SCLY: variants seen among roughly 807,000 people sequenced by gnomAD.
The protein encoded by SCLY is selenocysteine lyase.
In SCLY, 38 loss-of-function variants were observed where a neutral mutation model predicts 50.1. The observed-to-expected ratio is 0.76, with a 90% CI of 0.59 to 0.99. The LOEUF is 0.99. Among genes scored for constraint, SCLY ranks in the 50% least tolerant of loss-of-function variants. The pLI, the probability that SCLY is intolerant of heterozygous loss-of-function variation, is 0.00. For missense variants in SCLY, 600 were observed against 620.0 expected (o/e 0.97, Z 0.34); for synonymous variants, 243 against 249.4 (o/e 0.97, Z 0.24).
At chr2:238,074,793 G>A (rs1313915452) in intron 4 of SCLY, among the ~76,000 whole-genome samples, 1 of 152,108 alleles carries the variant, frequency 6.6e-6, no homozygotes, top group East Asian at 1.9e-4. Context: ...CTAATTGTTA[G>A]TTTCAGTTGG....
intron 4 of SCLY, 159 bp from the exon 5 acceptor site, chr2:238,081,550 C>T: frequency 2.2e-6 from 2 of 923,614 alleles, no homozygotes; most frequent in Non-Finnish European, 3.2e-6. Flanking sequence ...TGACTCTGGG[C>T]CAGTGATGAT....
rs2065083968 is a variant in SCLY at position 238,067,781 on chromosome 2, T to A, written c.203-284T>A. Among the ~76,000 whole-genome samples, 1 of 152,188 alleles carries A rather than the reference T, an allele frequency of 6.6e-6. No individual in the cohort carries two copies. Among genetic ancestry groups the A allele is most frequent in the Non-Finnish European group, 1.5e-5 (1 of 68,020 alleles). On this transcript the variant is annotated intron_variant, in intron 2 of 11. Coordinates refer to ENST00000254663, the MANE Select transcript of SCLY (RefSeq NM_016510.7). The surrounding 1 kb of genome is among the most constrained non-coding windows in gnomAD (Gnocchi z 4.3). ...AGCATCCAGTAAGAAGAAAGCCACA[T>A]CTTGGGGGACGTCCAGGTTCATAGC...
intron 1 of SCLY, among the ~76,000 whole-genome samples, chr2:238,061,872 AT>A (rs1476582967): frequency 6.6e-6 from 1 of 152,032 alleles, no homozygotes; most frequent in Non-Finnish European, 1.5e-5. Context: ...AGGGGTATGC[AT>A]TTTCTGGTTT....
intron 8 of SCLY, chr2:238,091,665 G>T (rs3739057): frequency 0.021 from 4,007 of 193,848 alleles, 94 homozygotes; most frequent in East Asian, 0.09. Flanking sequence ...TCCTGCTTCT[G>T]CGACAGTAAC....
intron 6 of SCLY, chr2:238,082,797 A>G (rs1354064801): frequency 4.1e-6 from 1 of 244,854 alleles, no homozygotes; most frequent in East Asian, 9.9e-5. Context: ...AGGAGTGTCT[A>G]TGCTGGCCTG....
chr2:238,061,233 G>A (rs1450232681), intron 1 of SCLY, 90 bp downstream of exon 1: 1 of 1,020,916 alleles, frequency 9.8e-7, no homozygotes, highest in African/African-American at 1.6e-5. Flanking sequence ...CCGGCCTGTG[G>A]CCGCTCTCGC....
At chr2:238,080,554 C>G (rs1474040316) in intron 4 of SCLY, 4 of 152,428 alleles carry the variant, frequency 2.6e-5, no homozygotes, top group Admixed American at 6.5e-5. Flanking sequence ...GTGGACCCCC[C>G]CAACTTTTCT....
At chr2:238,082,569 G>A (rs1450570856) in intron 6 of SCLY, among the ~76,000 whole-genome samples, 1 of 152,218 alleles carries the variant, frequency 6.6e-6, no homozygotes, top group Non-Finnish European at 1.5e-5. Flanking sequence ...GGTGTGGGGT[G>A]GAAGATGTAG....
In SCLY at chr2:238,082,140, G is replaced by A. The variant is rs868676086; in HGVS notation, c.708G>A (p.Gln236=). The part of the protein sequence containing the change: ...PPILVHTDAA[Q]ALGKQRVDVE... ...TCCTCGTGCACACGGATGCTGCACAGGCCTTGGGGAAGCAGCGCGTGGATG... is the reference window on the plus strand; with the variant it reads ...TCCTCGTGCACACGGATGCTGCACAAGCCTTGGGGAAGCAGCGCGTGGATG... Residue 236 remains glutamine (Q), a synonymous_variant, in exon 6 of 12, where the codon CAG becomes CAA. Coordinates refer to ENST00000254663, the MANE Select transcript of SCLY (RefSeq NM_016510.7). 7 of 1,612,866 alleles carry A rather than the reference G, an allele frequency of 4.3e-6. No homozygotes were observed. In the African/African-American group the frequency reaches 9.3e-5, roughly 22 times the overall value.
At chr2:238,082,479 C>T (rs1269021712) in intron 6 of SCLY, among the ~76,000 whole-genome samples, 2 of 152,108 alleles carry the variant, frequency 1.3e-5, no homozygotes, top group Non-Finnish European at 2.9e-5. Flanking sequence ...GGGGAGGAGA[C>T]GTCGAGATCT....
Position 238,093,886 on chromosome 2 carries a change from G to A in SCLY, c.947G>A (p.Cys316Tyr), listed in dbSNP as rs373187453. The stretch of plus-strand genomic sequence containing the variant: ...GCCGCGGAGCTGGTGACCCAGAACT[G>A]CGAGGCTTATGAGGCCCACATGAGG... ...GKAAELVTQN[C>Y]EAYEAHMRDV... is the part of the protein sequence containing the mutation. Residue 316 changes from cysteine to tyrosine, a missense_variant, in exon 9 of 12, where the codon TGC (cysteine) becomes TAC (tyrosine). By Grantham distance (194) the Cys-to-Tyr change is radical (BLOSUM62 -2). Transcript: ENST00000254663. 1.2e-5 allele frequency: 20 copies of A among 1,613,962 alleles called. No individual in the cohort carries two copies. The highest frequency in any genetic ancestry group is 1.7e-5 in the Non-Finnish European group (20 of 1,180,028).
Position 238,066,038 on chromosome 2 carries a change from T to C in SCLY, c.202+1569T>C, listed in dbSNP as rs1343070383. ...GAATATGTTGAGGATGTGGGGATTT[T>C]ACATACCTAAGATATTTATCACAGT... On this transcript the variant is annotated intron_variant, in intron 2 of 11. Coordinates refer to ENST00000254663, the MANE Select transcript of SCLY (RefSeq NM_016510.7). The surrounding 1 kb of genome is among the most constrained non-coding windows in gnomAD (Gnocchi z 4.1). 6.6e-6 allele frequency among the ~76,000 whole-genome samples: 1 copy of C among 152,230 alleles called. No individual in the cohort carries two copies. The highest frequency in any genetic ancestry group is 1.5e-5 in the Non-Finnish European group (1 of 68,048).
In SCLY at chr2:238,098,265, C is replaced by G. The variant is rs914275418; in HGVS notation, c.1248C>G (p.Leu416=). 3.1e-6 allele frequency: 5 copies of G among 1,610,434 alleles called. No individual in the cohort carries two copies. In the African/African-American group the frequency reaches 6.7e-5, roughly 22 times the overall value. ...PFDVARNALR[L]SVGRSTTRAE... ...ACGTGGCCAGGAACGCGCTCCGGCT[C>G]AGCGTGGGCCGCAGCACCACCAGGG... The change falls in exon 12 of 12, where the codon CTC becomes CTG. Residue 416 remains leucine (L), a synonymous_variant. Transcript: ENST00000254663.
At chr2:238,081,358 G>A (rs2065234712) in intron 4 of SCLY, 3 of 200,644 alleles carry the variant, frequency 1.5e-5, no homozygotes, top group South Asian at 1.1e-4. Flanking sequence ...GCACTGGCTC[G>A]GTGCCAAATG....
intron 1 of SCLY, among the ~76,000 whole-genome samples, chr2:238,063,261 T>G (rs574233073): frequency 6.6e-5 from 10 of 151,562 alleles, no homozygotes; most frequent in Non-Finnish European, 8.9e-5. Flanking sequence ...TTGTTGTTTT[T>G]TTTTTTTTTG....
At position 238,067,745 on chromosome 2, in the gene SCLY, G is replaced by A. The variant is rs1190392078; in HGVS notation, c.203-320G>A. ...GGAAGCAAGGCAGATGGCCACAGCT[G>A]CCCTCCCTCTAGCATCCAGTAAGAA... On this transcript the variant is annotated intron_variant, in intron 2 of 11. Coordinates refer to ENST00000254663, the MANE Select transcript of SCLY (RefSeq NM_016510.7). This position sits in a 1 kb window ranked among gnomAD's most constrained non-coding sequence, Gnocchi z 4.3. Among the ~76,000 whole-genome samples, 3 of 152,220 alleles carry A rather than the reference G, an allele frequency of 2.0e-5. No homozygotes were observed. Among genetic ancestry groups the A allele is most frequent in the Non-Finnish European group, 4.4e-5 (3 of 68,038 alleles).
At chr2:238,081,922 T>C in intron 5 of SCLY, 86 bp downstream of exon 5, 1 of 1,579,754 alleles carries the variant, frequency 6.3e-7, no homozygotes, top group Non-Finnish European at 8.6e-7. Context: ...TTCCCAGCTC[T>C]GGCCTCTCCC....
chr2:238,081,784 CCA>C lies in SCLY; in HGVS notation c.564_565del (p.Arg189ProfsTer10). ...GACATCCTCGCGGCAGTCCGCCCGA[CCA>C]CACGCCTCGTGACCATCATGCTGGC... On this transcript the variant is annotated frameshift_variant, in exon 5 of 12. Coordinates refer to ENST00000254663, the MANE Select transcript of SCLY (RefSeq NM_016510.7). LOFTEE classifies it high-confidence loss of function. The C allele has an allele frequency of 6.2e-7, 1 of 1,614,198 alleles. No homozygotes were observed. The highest frequency in any genetic ancestry group is 8.5e-7 in the Non-Finnish European group (1 of 1,180,038).
chr2:238,089,886 C>T (rs2065343906), intron 7 of SCLY, among the ~76,000 whole-genome samples: 2 of 152,030 alleles, frequency 1.3e-5, no homozygotes, highest in Admixed American at 6.5e-5. Context: ...AGACTTGACA[C>T]CAAAAGCATC....
Sources: allele counts gnomAD v4.1 joint callset (sites outside exome capture counted in the v4.1 genomes callset), GRCh38; gene constraint gnomAD v4.1.1; non-coding constraint Gnocchi (gnomAD v3.1); transcripts MANE v1.5; gene names NCBI Gene and HGNC (gene_info 2026-07-23, HGNC 2026-07-21).